The following DISC1 variants were observed in gnomAD, a reference collection of about 807,000 sequenced individuals.
DISC1 encodes DISC1 scaffold protein, also known as disrupted in schizophrenia 1 protein.
DISC1 carries 57 observed loss-of-function variants against 84.5 expected under a neutral mutation model. The ratio of observed to expected loss-of-function variants is 0.67; its 90% CI spans 0.55 to 0.84. The LOEUF (loss-of-function observed/expected upper bound fraction) is 0.84, where lower values mean the gene tolerates loss of function less well. Among genes scored for constraint, DISC1 ranks in the 40% least tolerant of loss-of-function variants. The pLI is 0.00. For missense variants in DISC1, 1,000 were observed against 1,057.8 expected (o/e 0.95, Z 0.76); for synonymous variants, 411 against 415.2 (o/e 0.99, Z 0.12).
At chr1:231,673,513 C>T (rs1385548316) in intron 1 of DISC1, among the ~76,000 whole-genome samples, 1 of 152,154 alleles carries the variant, frequency 6.6e-6, no homozygotes, top group African/African-American at 2.4e-5. Context: ...CTATTTTTAA[C>T]TCTAGTTTGA....
chr1:231,900,284 G>A (rs821722), intron 9 of DISC1, among the ~76,000 whole-genome samples: 66,119 of 152,030 alleles, frequency 0.43, 15,276 homozygotes, highest in East Asian at 0.76. Context: ...CACATTCCCC[G>A]TTCATGGAAA....
chr1:231,747,292 G>A (rs577734294), intron 3 of DISC1, among the ~76,000 whole-genome samples: 9 of 152,220 alleles, frequency 5.9e-5, no homozygotes, highest in Admixed American at 6.5e-5. Flanking sequence ...CACTTGTTTA[G>A]TTTTGCTATT....
At chr1:231,785,067 G>A (rs752293316) in intron 6 of DISC1, among the ~76,000 whole-genome samples, 4 of 152,084 alleles carry the variant, frequency 2.6e-5, no homozygotes, top group African/African-American at 4.8e-5. Flanking sequence ...TCAGCTGTGA[G>A]GATAGAAGGG....
chr1:231,768,451 A>G lies in DISC1; in HGVS notation c.1398+1182A>G, dbSNP rs539412962. On this transcript the variant is annotated intron_variant, in intron 5 of 12. Coordinates refer to ENST00000439617, the MANE Select transcript of DISC1 (RefSeq NM_018662.3). ...CATTAACTGAGCACTTACACAGTCA[A>G]TGTGCATCATTATAACGTTTGGATA... Among the ~76,000 whole-genome samples, 6 of 152,340 alleles carry G rather than the reference A, an allele frequency of 3.9e-5. No homozygotes were observed. The South Asian group carries it at 8.3e-4, about 21-fold the overall frequency.
At chr1:231,835,327 G>A (rs945936874) in intron 9 of DISC1, among the ~76,000 whole-genome samples, 19 of 152,304 alleles carry the variant, frequency 1.2e-4, no homozygotes, top group African/African-American at 3.4e-4. Flanking sequence ...GGCTGAGTCC[G>A]AAAAGAGAGT....
chr1:231,683,425 ATT>A (rs5781664), intron 1 of DISC1, among the ~76,000 whole-genome samples: 7,358 of 133,710 alleles, frequency 0.055, 191 homozygotes, highest in Middle Eastern at 0.092. Flanking sequence ...TACCACCATG[ATT>A]TTTTTTTTTT....
chr1:231,728,203 G>A (rs1391483384), intron 3 of DISC1, among the ~76,000 whole-genome samples: 1 of 152,018 alleles, frequency 6.6e-6, no homozygotes, highest in African/African-American at 2.4e-5. Flanking sequence ...CACATGTTGT[G>A]CCATCTATGA....
At chr1:231,943,226 C>T (rs930466583) in intron 9 of DISC1, among the ~76,000 whole-genome samples, 1 of 152,250 alleles carries the variant, frequency 6.6e-6, no homozygotes, top group Non-Finnish European at 1.5e-5. Flanking sequence ...CAGGAGACAG[C>T]TGCCATTGAA....
chr1:231,944,450 G>GGGTCCTTGGCTTCAGA (rs2091504788), intron 9 of DISC1, among the ~76,000 whole-genome samples: 1 of 152,136 alleles, frequency 6.6e-6, no homozygotes, highest in African/African-American at 2.4e-5. Flanking sequence ...TCGGAAGAAG[G>GGGTCCTTGGCTTCAGA]GCTCCTTGGC....
chr1:231,795,115 A>T (rs2125610077), intron 6 of DISC1, 127 bp from the exon 7 acceptor site: 1 of 891,400 alleles, frequency 1.1e-6, no homozygotes, highest in Non-Finnish European at 1.8e-6. Flanking sequence ...ATTTGGCATC[A>T]TCTTTCCTCC....
At chr1:231,815,570 C>G (rs958621754) in intron 8 of DISC1, among the ~76,000 whole-genome samples, 8 of 152,026 alleles carry the variant, frequency 5.3e-5, no homozygotes, top group Non-Finnish European at 1.2e-4. Flanking sequence ...AACCCCGGCT[C>G]TACTAAAAAA....
intron 6 of DISC1, among the ~76,000 whole-genome samples, chr1:231,776,829 A>C (rs995051297): frequency 6.6e-6 from 1 of 152,204 alleles, no homozygotes; most frequent in Non-Finnish European, 1.5e-5. Flanking sequence ...GCAAGGCCTG[A>C]ATTGGAAAAC....
chr1:231,872,277 C>G (rs2085519095), intron 9 of DISC1, among the ~76,000 whole-genome samples: 1 of 152,092 alleles, frequency 6.6e-6, no homozygotes, highest in Non-Finnish European at 1.5e-5. Flanking sequence ...AATCTCCCAT[C>G]TTAGTAATGA....
chr1:231,952,105 A>G (rs1245662148), intron 9 of DISC1, among the ~76,000 whole-genome samples: 1 of 150,618 alleles, frequency 6.6e-6, no homozygotes, highest in Admixed American at 6.6e-5. Context: ...AAAAAAAAAA[A>G]AAAAAAAAGA....
intron 10 of DISC1, among the ~76,000 whole-genome samples, chr1:231,974,043 A>G (rs1017248645): frequency 2.6e-5 from 4 of 151,984 alleles, no homozygotes; most frequent in African/African-American, 9.7e-5. Flanking sequence ...TTATGTTTGC[A>G]ACATGGTATT....
intron 1 of DISC1, among the ~76,000 whole-genome samples, chr1:231,636,327 T>C (rs2059198322): frequency 6.6e-6 from 1 of 152,176 alleles, no homozygotes; most frequent in Non-Finnish European, 1.5e-5. Context: ...TGCAGCTGTT[T>C]GTGTCTGGGG....
chr1:232,035,596 A>C (rs1394788836), intron 12 of DISC1, among the ~76,000 whole-genome samples: 1 of 152,136 alleles, frequency 6.6e-6, no homozygotes, highest in Non-Finnish European at 1.5e-5. Flanking sequence ...AAAGCTCCCC[A>C]TTCCCTCCAT....
rs60818301 is a variant in DISC1 at position 231,756,516 on chromosome 1, C to CGAGAGAGA, written c.1268+6481_1268+6488dup. ...GGTTCACAAACGTATATGTGAATAT[C>CGAGAGAGA]GAGAGAGAGAGAGAGAGAGAGAGAG... is the stretch of plus-strand genomic sequence containing the variant. On this transcript the variant is annotated intron_variant, in intron 4 of 12. Transcript: ENST00000439617. Among the ~76,000 whole-genome samples the CGAGAGAGA allele has an allele frequency of 3.4e-3, 456 of 133,506 alleles. 8 individuals are homozygous for CGAGAGAGA. Among genetic ancestry groups the CGAGAGAGA allele is most frequent in the African/African-American group, 5.2e-3 (176 of 33,984 alleles). 87.6% of individuals were successfully genotyped at this position (133,506 alleles called of 152,430 possible).
At chr1:231,757,956 A>T (rs2075303167) in intron 4 of DISC1, among the ~76,000 whole-genome samples, 1 of 149,428 alleles carries the variant, frequency 6.7e-6, no homozygotes, top group Non-Finnish European at 1.5e-5. Flanking sequence ...CAACAGGTTT[A>T]TCAGGCCTGT....
Sources: gnomAD v4.1 joint callset for allele counts (sites outside exome capture counted in the v4.1 genomes callset) on GRCh38, gnomAD v4.1.1 for gene constraint, MANE v1.5 for transcripts, NCBI Gene and HGNC (gene_info 2026-07-23, HGNC 2026-07-21) for gene names.